The following TENM2 variants were observed in gnomAD, a reference collection of about 807,000 sequenced individuals.
TENM2 encodes the protein teneurin-2.
Under a neutral mutation model 245.2 loss-of-function variants are expected in TENM2, and 52 were observed. The ratio of observed to expected loss-of-function variants is 0.21; its 90% CI spans 0.17 to 0.27. TENM2 has a LOEUF of 0.27. Ranked by LOEUF, TENM2 falls within the 10% of genes least tolerant of loss-of-function variation. The pLI, the probability that TENM2 is intolerant of heterozygous loss-of-function variation, is 1.00. For synonymous variants in TENM2, 1,363 were observed against 1,438.9 expected (o/e 0.95, Z 1.19); for missense variants, 3,046 against 3,666.8 (o/e 0.83, Z 4.37).
At chr5:167,897,881 T>A (rs892551747) in intron 3 of TENM2, among the ~76,000 whole-genome samples, 19 of 146,248 alleles carry the variant, frequency 1.3e-4, no homozygotes, top group Non-Finnish European at 2.8e-4. Context: ...GGGTAATCCG[T>A]AGTAAATTGT....
intron 2 of TENM2, among the ~76,000 whole-genome samples, chr5:167,394,565 AATGT>A (rs1401839820): frequency 5.9e-5 from 9 of 151,632 alleles, no homozygotes; most frequent in African/African-American, 1.7e-4. Context: ...AATATAAATA[AATGT>A]ATGTATGTAT....
chr5:167,795,969 A>C (rs1193292310), intron 2 of TENM2, among the ~76,000 whole-genome samples: 1 of 152,186 alleles, frequency 6.6e-6, no homozygotes, highest in Admixed American at 6.5e-5. Context: ...TTGTTACTTT[A>C]TTACTATTTT....
chr5:167,670,393 C>T (rs1421197266), intron 2 of TENM2, among the ~76,000 whole-genome samples: 4 of 152,164 alleles, frequency 2.6e-5, no homozygotes, highest in Non-Finnish European at 5.9e-5. Context: ...GAAAGTGTGT[C>T]CATATCCTGT....
At chr5:168,259,574 C>T (rs1461154173) in intron 27 of TENM2, among the ~76,000 whole-genome samples, 1 of 151,970 alleles carries the variant, frequency 6.6e-6, no homozygotes, top group Non-Finnish European at 1.5e-5. Context: ...GGCAACAGAG[C>T]AAGACTCCAT....
intron 2 of TENM2, among the ~76,000 whole-genome samples, chr5:167,430,741 A>G (rs1289378695): frequency 1.3e-5 from 2 of 152,210 alleles, no homozygotes; most frequent in South Asian, 2.1e-4. Flanking sequence ...CATTAATAAC[A>G]TATCCGTTAA....
rs546179334 is a variant in TENM2, at chr5:167,708,895, C to A, written c.503-167091C>A. Among the ~76,000 whole-genome samples the A allele has an allele frequency of 4.6e-5, 7 of 152,284 alleles. No individual in the cohort carries two copies. In the South Asian group the frequency reaches 8.3e-4, roughly 18 times the overall value. On this transcript the variant is annotated intron_variant, in intron 2 of 28. Transcript: ENST00000518659. ...TTATAAGGTAGCAAAAACACCATTT[C>A]TCTTTCTATACAAACCTATATTGTT...
intron 2 of TENM2, among the ~76,000 whole-genome samples, chr5:167,461,531 G>A (rs1011716516): frequency 6.6e-6 from 1 of 152,096 alleles, no homozygotes; most frequent in Non-Finnish European, 1.5e-5. Flanking sequence ...GTTACCTCCC[G>A]GCAGTCTTTC....
chr5:167,220,954 G>T, the TENM2 span, among the ~76,000 whole-genome samples: 1 of 152,066 alleles, frequency 6.6e-6, no homozygotes, highest in East Asian at 1.9e-4. Flanking sequence ...AGCCTCCCAA[G>T]TAGCTGGAAT....
intron 2 of TENM2, among the ~76,000 whole-genome samples, chr5:167,840,272 C>T (rs576754729): frequency 1.3e-5 from 2 of 152,314 alleles, no homozygotes; most frequent in South Asian, 4.1e-4. Context: ...AAAAGCAGAG[C>T]TTGGCCCCTG....
At chr5:167,636,511 G>A (rs1490864055) in intron 2 of TENM2, among the ~76,000 whole-genome samples, 1 of 152,188 alleles carries the variant, frequency 6.6e-6, no homozygotes, top group Non-Finnish European at 1.5e-5. Flanking sequence ...CTTAATATTT[G>A]TCTGATTTTT....
chr5:167,465,298 G>A (rs918828877), intron 2 of TENM2, among the ~76,000 whole-genome samples: 7 of 152,050 alleles, frequency 4.6e-5, no homozygotes, highest in African/African-American at 1.7e-4. Flanking sequence ...TATTAAAGAT[G>A]AATGTATCTT....
chr5:167,711,027 C>G (rs1380047582), intron 2 of TENM2, among the ~76,000 whole-genome samples: 1 of 152,172 alleles, frequency 6.6e-6, no homozygotes, highest in Non-Finnish European at 1.5e-5. Context: ...AATCATCTTA[C>G]TGAATCCCCA....
At chr5:168,165,341 T>G (rs1319332605) in intron 13 of TENM2, among the ~76,000 whole-genome samples, 1 of 152,244 alleles carries the variant, frequency 6.6e-6, no homozygotes, top group African/African-American at 2.4e-5. Flanking sequence ...GCACAGCGGT[T>G]GCTTACAGAT....
chr5:167,879,529 G>A (rs1413703574), intron 3 of TENM2, among the ~76,000 whole-genome samples: 1 of 152,120 alleles, frequency 6.6e-6, no homozygotes, highest in Non-Finnish European at 1.5e-5. Flanking sequence ...CATAATGGAG[G>A]CCCCTGCAGA....
chr5:167,265,596 A>G, the TENM2 span, among the ~76,000 whole-genome samples: 1 of 152,148 alleles, frequency 6.6e-6, no homozygotes, highest in South Asian at 2.1e-4. Context: ...GTGCAGGATC[A>G]TAACCATTGT....
At chr5:167,126,786 C>A in the TENM2 span, among the ~76,000 whole-genome samples, 1 of 152,034 alleles carries the variant, frequency 6.6e-6, no homozygotes, top group Non-Finnish European at 1.5e-5. Context: ...TTTTAAATTG[C>A]AATTGTACAG....
chr5:167,605,659 G>A (rs1013688411), intron 2 of TENM2, among the ~76,000 whole-genome samples: 1 of 152,196 alleles, frequency 6.6e-6, no homozygotes, highest in Non-Finnish European at 1.5e-5. Context: ...GTGTTACTCT[G>A]TAATGGGAAC....
chr5:167,628,972 G>C (rs1778692561), intron 2 of TENM2, among the ~76,000 whole-genome samples: 1 of 152,136 alleles, frequency 6.6e-6, no homozygotes, highest in South Asian at 2.1e-4. Flanking sequence ...ATCTGGAATA[G>C]AGCCTTACAT....
Position 167,870,503 on chromosome 5 carries a change from C to A in TENM2, c.503-5483C>A, listed in dbSNP as rs557815998. Reference sequence around the variant, plus strand: ...TTTCCTTACCTGTAAATGGGGAAGACAGTCTTACTAAGTTCAGAGAAAAGT... The same window carrying A: ...TTTCCTTACCTGTAAATGGGGAAGAAAGTCTTACTAAGTTCAGAGAAAAGT... On this transcript the variant is annotated intron_variant, in intron 2 of 28. Transcript: ENST00000518659. 2.6e-5 allele frequency among the ~76,000 whole-genome samples: 4 copies of A among 151,096 alleles called. No homozygotes were observed. In the East Asian group the frequency reaches 5.8e-4, roughly 22 times the overall value.
Sources: gnomAD v4.1 joint callset for allele counts (sites outside exome capture counted in the v4.1 genomes callset) on GRCh38, gnomAD v4.1.1 for gene constraint, MANE v1.5 for transcripts, NCBI Gene and HGNC (gene_info 2026-07-23, HGNC 2026-07-21) for gene names.